The following SUGCT variants were observed in gnomAD, a reference collection of about 807,000 sequenced individuals.
SUGCT encodes succinyl-CoA:glutarate-CoA transferase, also known as succinyl-CoA:glutarate CoA-transferase.
In SUGCT, 41 loss-of-function variants were observed where a neutral mutation model predicts 55.0. That is an observed-to-expected ratio of 0.74 (90% CI 0.58 to 0.97). The LOEUF (loss-of-function observed/expected upper bound fraction) is 0.97. Ranked by LOEUF, SUGCT falls within the 50% of genes least tolerant of loss-of-function variation. The pLI is 0.00. For missense variants in SUGCT, 568 were observed against 547.8 expected (o/e 1.04, Z -0.37); for synonymous variants, 187 against 200.4 (o/e 0.93, Z 0.56).
intron 11 of SUGCT, among the ~76,000 whole-genome samples, chr7:40,476,228 G>A (rs1224377796): frequency 6.6e-6 from 1 of 152,160 alleles, no homozygotes; most frequent in Non-Finnish European, 1.5e-5. Context: ...CTTACACATA[G>A]TATATGCTAT....
At chr7:40,617,893 C>A (rs188929735) in intron 12 of SUGCT, among the ~76,000 whole-genome samples, 206 of 152,148 alleles carry the variant, frequency 1.4e-3, no homozygotes, top group African/African-American at 4.8e-3. Flanking sequence ...CATATGTCAT[C>A]GACTCTGAAA....
chr7:40,817,623 A>G (rs1563023472), intron 13 of SUGCT, among the ~76,000 whole-genome samples: 2 of 152,216 alleles, frequency 1.3e-5, no homozygotes, highest in African/African-American at 4.8e-5. Flanking sequence ...CATCCAAAAG[A>G]AGATAAGGTA....
chr7:40,241,808 T>G (rs1376670978), intron 7 of SUGCT, among the ~76,000 whole-genome samples: 1 of 150,712 alleles, frequency 6.6e-6, no homozygotes, highest in Admixed American at 6.7e-5. Flanking sequence ...TAGTCCCAGC[T>G]ACTTGGGAGG....
the SUGCT span, among the ~76,000 whole-genome samples, chr7:41,034,508 C>G: frequency 6.6e-6 from 1 of 152,252 alleles, no homozygotes; most frequent in East Asian, 1.9e-4. Flanking sequence ...GGGGTCAGAG[C>G]TGCTCACATC....
At chr7:40,163,606 GA>G (rs11298191) in intron 1 of SUGCT, among the ~76,000 whole-genome samples, 56,168 of 126,282 alleles carry the variant, frequency 0.44, 12,114 homozygotes, top group Middle Eastern at 0.62. Context: ...CTCTGTCTCA[GA>G]AAAAAAAAAA....
chr7:40,864,377 C>T (rs1316782288), downstream of SUGCT, among the ~76,000 whole-genome samples: 1 of 152,152 alleles, frequency 6.6e-6, no homozygotes. Flanking sequence ...GTCTCGAACT[C>T]CTGACCTCAA....
At chr7:40,414,571 C>T (rs1183465882) in intron 9 of SUGCT, among the ~76,000 whole-genome samples, 1 of 151,988 alleles carries the variant, frequency 6.6e-6, no homozygotes, top group Non-Finnish European at 1.5e-5. Flanking sequence ...TGCCCTACAT[C>T]TAATTTTCTA....
At chr7:41,013,312 C>T in the SUGCT span, among the ~76,000 whole-genome samples, 1 of 152,142 alleles carries the variant, frequency 6.6e-6, no homozygotes, top group Non-Finnish European at 1.5e-5. Context: ...CTTCTTAGTA[C>T]ATCATGTAAA....
the SUGCT span, among the ~76,000 whole-genome samples, chr7:40,952,100 A>T: frequency 5.9e-4 from 90 of 152,274 alleles, no homozygotes; most frequent in Middle Eastern, 3.4e-3. Flanking sequence ...GTCTCTTTGT[A>T]GGTCTCTAAG....
chr7:40,641,187 C>T (rs188277940), intron 12 of SUGCT, among the ~76,000 whole-genome samples: 5 of 152,226 alleles, frequency 3.3e-5, no homozygotes, highest in Admixed American at 1.3e-4. Flanking sequence ...TATATACACA[C>T]CAAATAATAA....
rs534324701 is a variant in SUGCT, at chr7:40,305,564, C to T, written c.721-11196C>T. On this transcript the variant is annotated intron_variant, in intron 8 of 13. Coordinates refer to ENST00000335693, the MANE Select transcript of SUGCT (RefSeq NM_001193313.2). The stretch of plus-strand genomic sequence containing the variant: ...GATGACATTTCAAACCATAATCCCT[C>T]CTCTTCTACTTTTTTTCTCATTGTC... 2.8e-4 allele frequency among the ~76,000 whole-genome samples: 42 copies of T among 152,264 alleles called. 1 individual carries two copies. Among genetic ancestry groups the T allele is most frequent in the Admixed American group, 1.3e-3 (20 of 15,278 alleles).
At chr7:41,029,343 A>G in the SUGCT span, among the ~76,000 whole-genome samples, 3 of 152,038 alleles carry the variant, frequency 2.0e-5, no homozygotes, top group Admixed American at 1.3e-4. Flanking sequence ...GAACACCCCC[A>G]AGTCAGAAGG....
Position 40,446,495 on chromosome 7 carries a change from T to C in SUGCT, c.817-2792T>C, listed in dbSNP as rs1049183832. On this transcript the variant is annotated intron_variant, in intron 9 of 13. Coordinates refer to ENST00000335693, the MANE Select transcript of SUGCT (RefSeq NM_001193313.2). ...AGTTGAGAAACACTAATGCATTGTCTATGACACTAACTTTACTTTTGCCCT... is the reference window on the plus strand; with the variant it reads ...AGTTGAGAAACACTAATGCATTGTCCATGACACTAACTTTACTTTTGCCCT... 2.0e-5 allele frequency among the ~76,000 whole-genome samples: 3 copies of C among 152,322 alleles called. No homozygotes were observed. The South Asian group carries it at 6.2e-4, about 32-fold the overall frequency.
intron 9 of SUGCT, among the ~76,000 whole-genome samples, chr7:40,343,589 C>A (rs983874525): frequency 2.6e-5 from 4 of 151,276 alleles, no homozygotes; most frequent in African/African-American, 4.8e-5. Context: ...ATTATTTTTT[C>A]TTTCTCACTC....
chr7:40,323,016 A>G (rs1795835437), intron 9 of SUGCT, among the ~76,000 whole-genome samples: 1 of 122,764 alleles, frequency 8.1e-6, no homozygotes, highest in Non-Finnish European at 1.9e-5. Context: ...AATGAGTCCC[A>G]TCACTCCTTA....
rs112299032 is a variant in SUGCT, at chr7:40,652,224, C to T, written c.1090-97210C>T. On this transcript the variant is annotated intron_variant, in intron 12 of 13. Coordinates refer to ENST00000335693, the MANE Select transcript of SUGCT (RefSeq NM_001193313.2). ...TTTTTCAGTAAATAAGGAAGCTAAA[C>T]TGTCCTTTATACCCTGAGGTTGAAT... Among the ~76,000 whole-genome samples, 659 of 152,262 alleles carry T rather than the reference C, an allele frequency of 4.3e-3. 5 individuals are homozygous for T. Among genetic ancestry groups the T allele is most frequent in the African/African-American group, 0.015 (610 of 41,554 alleles).
chr7:40,511,510 C>T (rs1482029504), intron 12 of SUGCT, among the ~76,000 whole-genome samples: 1 of 152,128 alleles, frequency 6.6e-6, no homozygotes, highest in Non-Finnish European at 1.5e-5. Flanking sequence ...TAGTTAATAG[C>T]CCTGTATCCA....
At chr7:41,007,373 G>C in the SUGCT span, among the ~76,000 whole-genome samples, 1 of 152,124 alleles carries the variant, frequency 6.6e-6, no homozygotes, top group African/African-American at 2.4e-5. Flanking sequence ...CCTTAATCCA[G>C]AGTAAAGCTA....
At chr7:40,822,892 G>A (rs773739976) in intron 13 of SUGCT, among the ~76,000 whole-genome samples, 1 of 152,012 alleles carries the variant, frequency 6.6e-6, no homozygotes, top group Non-Finnish European at 1.5e-5. Context: ...GAAAGAGTGG[G>A]AAATTCAGAG....
Sources: allele counts gnomAD v4.1 joint callset (sites outside exome capture counted in the v4.1 genomes callset), GRCh38; gene constraint gnomAD v4.1.1; transcripts MANE v1.5; gene names NCBI Gene and HGNC (gene_info 2026-07-23, HGNC 2026-07-21).